Variants in DIAPH2 observed in about 807,000 individuals in gnomAD.
DIAPH2 encodes diaphanous related formin 2.
In DIAPH2, 35 loss-of-function variants were observed where a neutral mutation model predicts 92.7. That is an observed-to-expected ratio of 0.38 (90% CI 0.29 to 0.50). DIAPH2 has a LOEUF of 0.50. DIAPH2 is among the 20% of genes least tolerant of loss of function. The pLI, the probability that DIAPH2 is intolerant of heterozygous loss-of-function variation, is 0.94. For missense variants in DIAPH2, 701 were observed against 819.5 expected, an observed-to-expected ratio of 0.86 and a Z score of 1.77; for synonymous variants, 301 against 280.4, an observed-to-expected ratio of 1.07 and a Z score of -0.73.
chrX:97,481,368 G>A (rs1247281437), intron 26 of DIAPH2, among the ~76,000 whole-genome samples: 1 of 111,128 alleles, frequency 9.0e-6, no homozygotes, highest in African/African-American at 3.3e-5. Context: ...GGTGGGGGTC[G>A]ATTGATGGAA....
intron 15 of DIAPH2, among the ~76,000 whole-genome samples, chrX:96,949,854 C>T (rs747181048): frequency 2.1e-5 from 2 of 97,238 alleles, no homozygotes; most frequent in Admixed American, 1.1e-4. Context: ...AGCGAGACTC[C>T]GTCTGAAAAA....
intron 4 of DIAPH2, among the ~76,000 whole-genome samples, chrX:96,766,690 G>T (rs187125342): frequency 1.5e-3 from 172 of 111,901 alleles, no homozygotes; most frequent in Non-Finnish European, 2.7e-3. Flanking sequence ...ACGTACATTG[G>T]TCCAAAAATG....
intron 8 of DIAPH2, among the ~76,000 whole-genome samples, chrX:96,917,872 T>G (rs1046271117): frequency 9.0e-6 from 1 of 111,556 alleles, no homozygotes; most frequent in African/African-American, 3.2e-5. Flanking sequence ...ACAATCTGTT[T>G]ATGCTCCAAT....
rs1487020950 is a variant in DIAPH2, at chrX:97,553,298, A to G, written c.3242-45955A>G. ...TTAATTAAATATTCACAACATTTTT[A>G]TAGCATTTGATTTTTTTCCTTGTTA... On this transcript the variant is annotated intron_variant, in intron 26 of 26. Transcript: ENST00000324765. Among the ~76,000 whole-genome samples, 3 of 111,909 alleles carry G rather than the reference A, an allele frequency of 2.7e-5. No homozygotes were observed. In the Admixed American group the frequency reaches 2.9e-4, roughly 11 times the overall value.
At position 97,496,333 on chromosome X, in the gene DIAPH2, G is replaced by A. The variant is rs764017861; in HGVS notation, c.3241+66588G>A. On this transcript the variant is annotated intron_variant, in intron 26 of 26. Transcript: ENST00000324765. ...TGGGATTACAGGCATGTGCCACCAC[G>A]CCCAGCTAATTTTGTATTTTTAGTA... Among the ~76,000 whole-genome samples, 621 of 108,870 alleles carry A rather than the reference G, an allele frequency of 5.7e-3. 2 individuals carry two copies. The highest frequency in any genetic ancestry group is 0.02 in the African/African-American group (589 of 29,880). The allele number at this position is 108,870 out of a possible 115,157, so 94.5% of individuals were successfully genotyped here.
intron 22 of DIAPH2, among the ~76,000 whole-genome samples, chrX:97,217,030 A>C (rs2147511764): frequency 8.9e-6 from 1 of 111,854 alleles, no homozygotes; most frequent in East Asian, 2.8e-4. Flanking sequence ...TAATAATATT[A>C]ATTGGTTTAG....
intron 1 of DIAPH2, among the ~76,000 whole-genome samples, chrX:96,713,061 T>C (rs1338390996): frequency 9.0e-6 from 1 of 111,066 alleles, no homozygotes; most frequent in East Asian, 2.8e-4. Flanking sequence ...TGCACAGATG[T>C]GCACATACAC....
intron 5 of DIAPH2, chrX:96,884,554 G>A (rs780210770): frequency 7.4e-6 from 9 of 1,211,151 alleles, no homozygotes; most frequent in Non-Finnish European, 6.7e-6. Flanking sequence ...GGTAATCAGA[G>A]GGGCAGAGAA....
intron 17 of DIAPH2, among the ~76,000 whole-genome samples, chrX:97,012,960 T>C (rs1222481108): frequency 8.9e-6 from 1 of 112,041 alleles, no homozygotes; most frequent in East Asian, 2.8e-4. Flanking sequence ...TTTTATATTC[T>C]TTTCCTTTGC....
intron 17 of DIAPH2, among the ~76,000 whole-genome samples, chrX:96,995,766 G>A (rs1037729523): frequency 1.8e-5 from 2 of 108,224 alleles, no homozygotes; most frequent in African/African-American, 6.7e-5. Context: ...CAGTTAAGTG[G>A]CTGTAGGCTA....
chrX:96,844,037 T>C (rs1222766104), intron 4 of DIAPH2, among the ~76,000 whole-genome samples: 3 of 112,273 alleles, frequency 2.7e-5, no homozygotes, highest in African/African-American at 9.7e-5. Context: ...AAATAGAGGC[T>C]CTAAGAGGTT....
At chrX:97,171,926 C>T (rs931159905) in intron 22 of DIAPH2, among the ~76,000 whole-genome samples, 78 of 105,427 alleles carry the variant, frequency 7.4e-4, no homozygotes, top group Non-Finnish European at 1.3e-3. Flanking sequence ...GGCAACAGAG[C>T]AAGACTCCGT....
intron 26 of DIAPH2, among the ~76,000 whole-genome samples, chrX:97,535,374 G>A (rs1285253776): frequency 8.9e-6 from 1 of 112,285 alleles, no homozygotes; most frequent in Non-Finnish European, 1.9e-5. Flanking sequence ...AAAGTTAAAT[G>A]TTATATGAAC....
intron 4 of DIAPH2, among the ~76,000 whole-genome samples, chrX:96,812,688 T>C (rs1343540370): frequency 8.9e-6 from 1 of 112,141 alleles, no homozygotes; most frequent in African/African-American, 3.2e-5. Context: ...ACACACTGCA[T>C]TAAATGTGTC....
At chrX:96,855,722 A>G (rs894963786) in intron 4 of DIAPH2, among the ~76,000 whole-genome samples, 2 of 110,739 alleles carry the variant, frequency 1.8e-5, no homozygotes, top group Non-Finnish European at 3.8e-5. Flanking sequence ...TTTAAGCTGA[A>G]TCTTTAAACA....
At chrX:96,885,540 T>C (rs2065256088) in intron 5 of DIAPH2, 1 of 118,099 alleles carries the variant, frequency 8.5e-6, no homozygotes, top group Non-Finnish European at 1.8e-5. Context: ...AATGATACTG[T>C]TATCTCTTGC....
chrX:97,186,543 C>G (rs188189504), intron 22 of DIAPH2, among the ~76,000 whole-genome samples: 7 of 112,090 alleles, frequency 6.2e-5, no homozygotes, highest in Admixed American at 5.7e-4. Context: ...AGTTATTTTA[C>G]ATAATCCATG....
At chrX:96,893,219 A>G (rs973539930) in intron 5 of DIAPH2, among the ~76,000 whole-genome samples, 1 of 111,738 alleles carries the variant, frequency 8.9e-6, no homozygotes, top group African/African-American at 3.3e-5. Context: ...GCCAAGCTCC[A>G]ATTAAATGAG....
intron 17 of DIAPH2, among the ~76,000 whole-genome samples, chrX:97,037,757 C>G (rs775368335): frequency 2.3e-4 from 26 of 111,316 alleles, no homozygotes; most frequent in Non-Finnish European, 4.5e-4. Context: ...CTTTTTGAAT[C>G]TAATATTTAT....
Sources: gnomAD v4.1 joint callset for allele counts (sites outside exome capture counted in the v4.1 genomes callset) on GRCh38, gnomAD v4.1.1 for gene constraint, MANE v1.5 for transcripts, NCBI Gene and HGNC (gene_info 2026-07-23, HGNC 2026-07-21) for gene names.